PDS5B: variants seen among roughly 807,000 people sequenced by gnomAD.
PDS5B encodes sister chromatid cohesion protein PDS5 homolog B.
A neutral mutation model predicts 184.1 loss-of-function variants in PDS5B; 51 were observed. That is an observed-to-expected ratio of 0.28 (90% CI 0.22 to 0.35). The LOEUF is 0.35. PDS5B is among the 10% of genes least tolerant of loss of function. The probability of loss-of-function intolerance (pLI) is 1.00; values close to 1 mark genes in which losing one functional copy is unlikely to be tolerated. For missense variants in PDS5B, 1,180 were observed against 1,723.3 expected (o/e 0.68, Z 5.58); for synonymous variants, 566 against 569.2 (o/e 0.99, Z 0.08).
chr13:32,715,924 G>T (rs1272746407), intron 19 of PDS5B, among the ~76,000 whole-genome samples: 68 of 152,270 alleles, frequency 4.5e-4, no homozygotes, highest in Non-Finnish European at 7.9e-4. Context: ...GCCTCCCGAG[G>T]TGCCGGGATT....
chr13:32,739,960 G>C (rs969780250), intron 21 of PDS5B, among the ~76,000 whole-genome samples: 1 of 152,016 alleles, frequency 6.6e-6, no homozygotes, highest in African/African-American at 2.4e-5. Context: ...GGTAGTATCT[G>C]ATAGTTTCTT....
intron 18 of PDS5B, among the ~76,000 whole-genome samples, chr13:32,707,262 T>C: frequency 6.6e-6 from 1 of 152,242 alleles, no homozygotes; most frequent in Middle Eastern, 3.4e-3. Flanking sequence ...TATATTAAAA[T>C]AGTGGAGTAT....
chr13:32,693,473 A>G (rs1032239117), intron 13 of PDS5B, among the ~76,000 whole-genome samples: 29 of 151,954 alleles, frequency 1.9e-4, no homozygotes, highest in African/African-American at 7.0e-4. Flanking sequence ...AGAGTTTCTT[A>G]TATGCCTCTG....
chr13:32,607,094 T>C (rs2058071606), intron 1 of PDS5B, among the ~76,000 whole-genome samples: 1 of 152,274 alleles, frequency 6.6e-6, no homozygotes, highest in African/African-American at 2.4e-5. Flanking sequence ...CTTTGTTCCA[T>C]TGCTGGCGAA....
chr13:32,641,056 C>T (rs1423066481), intron 1 of PDS5B, among the ~76,000 whole-genome samples: 1 of 95,022 alleles, frequency 1.1e-5, no homozygotes, highest in Non-Finnish European at 2.4e-5. Context: ...GACTCCGTCT[C>T]AAAAAAAAAA....
intron 13 of PDS5B, among the ~76,000 whole-genome samples, chr13:32,693,633 G>C (rs1039650723): frequency 6.7e-6 from 1 of 150,224 alleles, no homozygotes; most frequent in Admixed American, 6.7e-5. Context: ...CTGTAACCAA[G>C]TGTTTCATTA....
chr13:32,613,496 T>C (rs1258684759), intron 1 of PDS5B, among the ~76,000 whole-genome samples: 1 of 152,262 alleles, frequency 6.6e-6, no homozygotes, highest in Non-Finnish European at 1.5e-5. Flanking sequence ...TTAATGATGC[T>C]GAGCATCTTT....
intron 3 of PDS5B, among the ~76,000 whole-genome samples, chr13:32,653,169 C>T (rs1419817393): frequency 6.6e-6 from 1 of 152,036 alleles, no homozygotes; most frequent in African/African-American, 2.4e-5. Context: ...TGGCACATGA[C>T]TGTAACCCCA....
At chr13:32,708,574 T>C (rs1440733666) in intron 18 of PDS5B, among the ~76,000 whole-genome samples, 1 of 152,138 alleles carries the variant, frequency 6.6e-6, no homozygotes, top group Non-Finnish European at 1.5e-5. Context: ...CGATATATAA[T>C]CCCATCAGTA....
At chr13:32,724,002 C>T (rs9596155) in intron 19 of PDS5B, among the ~76,000 whole-genome samples, 58,896 of 152,050 alleles carry the variant, frequency 0.39, 11,920 homozygotes, top group Non-Finnish European at 0.45. Context: ...CACTCCCTTG[C>T]TCCTCTTATA....
At chr13:32,696,178 G>A (rs948430742) in intron 14 of PDS5B, among the ~76,000 whole-genome samples, 1 of 151,950 alleles carries the variant, frequency 6.6e-6, no homozygotes, top group Non-Finnish European at 1.5e-5. Context: ...TTGATTTATT[G>A]CTTTCAGTTC....
rs1382304548 is a variant in PDS5B, at chr13:32,776,775, C to T, written c.*1723C>T. ...TTTTACTATTTGCCAATGTATATTG[C>T]AATTGATGTGATTATTTTTCTTTTA... is the stretch of plus-strand genomic sequence containing the variant. On this transcript the variant is annotated 3_prime_UTR_variant, in exon 35 of 35. Transcript: ENST00000315596. The T allele has an allele frequency of 2.0e-5, 3 of 152,386 alleles. No individual in the cohort carries two copies. The highest frequency in any genetic ancestry group is 6.6e-5 in the Admixed American group (1 of 15,250). 9.4% of individuals were successfully genotyped at this position (152,386 alleles called of 1,614,324 possible).
chr13:32,609,084 C>CT (rs1319269487), intron 1 of PDS5B, among the ~76,000 whole-genome samples: 1 of 152,198 alleles, frequency 6.6e-6, no homozygotes, highest in Non-Finnish European at 1.5e-5. Flanking sequence ...ATACACACCT[C>CT]TTTTAATCAT....
At chr13:32,746,180 A>G in intron 24 of PDS5B, 80 bp downstream of exon 24, 1 of 1,191,764 alleles carries the variant, frequency 8.4e-7, no homozygotes, top group Non-Finnish European at 1.2e-6. Flanking sequence ...TGATACATAG[A>G]TTAAAATCTT....
At position 32,655,273 on chromosome 13, in the gene PDS5B, C is replaced by A. The variant is rs191390495; in HGVS notation, c.313-2966C>A. On this transcript the variant is annotated intron_variant, in intron 3 of 34. Transcript: ENST00000315596. Reference sequence around the variant, plus strand: ...TGTTGTGGTTTTGATTTGCATTTCTCTAATCAGTGATGTTGAGCATTTTTT... The same window carrying A: ...TGTTGTGGTTTTGATTTGCATTTCTATAATCAGTGATGTTGAGCATTTTTT... Among the ~76,000 whole-genome samples the A allele has an allele frequency of 7.5e-5, 11 of 147,400 alleles. No individual in the cohort carries two copies. In the East Asian group the frequency reaches 1.6e-3, roughly 22 times the overall value.
chr13:32,586,873 C>G (rs1370429338), intron 1 of PDS5B, among the ~76,000 whole-genome samples: 1 of 35,604 alleles, frequency 2.8e-5, no homozygotes, highest in Non-Finnish European at 5.6e-5. Flanking sequence ...GCGGGTTCTG[C>G]CGCAGCCTCT....
Position 32,648,896 on chromosome 13 carries a change from T to C in PDS5B, c.108+16T>C. 1 of 1,112,258 alleles carries C rather than the reference T, an allele frequency of 9.0e-7. No homozygotes were observed. The highest frequency in any genetic ancestry group is 1.4e-6 in the Non-Finnish European group (1 of 722,032). The allele number at this position is 1,112,258 out of a possible 1,614,324, so 68.9% of individuals were successfully genotyped here. On this transcript the variant is annotated intron_variant, in intron 2 of 34. Transcript: ENST00000315596. ...ACGATTAAAGGTGAGTAAAATTCTA[T>C]TCTTTTTTACATCTGTGTAGGGCAG...
intron 7 of PDS5B, among the ~76,000 whole-genome samples, chr13:32,671,825 G>A (rs1950945740): frequency 6.6e-6 from 1 of 152,164 alleles, no homozygotes; most frequent in African/African-American, 2.4e-5. Flanking sequence ...GAAGAGATTA[G>A]GGCAGCTTGT....
At chr13:32,683,488 T>C (rs1270312417) in intron 10 of PDS5B, among the ~76,000 whole-genome samples, 1 of 151,650 alleles carries the variant, frequency 6.6e-6, no homozygotes, top group African/African-American at 2.4e-5. Flanking sequence ...CCCTGGATAA[T>C]TTTGTATTTT....
Sources: gnomAD v4.1 joint callset for allele counts (sites outside exome capture counted in the v4.1 genomes callset) on GRCh38, gnomAD v4.1.1 for gene constraint, MANE v1.5 for transcripts, NCBI Gene and HGNC (gene_info 2026-07-23, HGNC 2026-07-21) for gene names.